The following GRM8 variants were observed in gnomAD, a reference collection of about 807,000 sequenced individuals.
GRM8 encodes glutamate metabotropic receptor 8.
Under a neutral mutation model 87.2 loss-of-function variants are expected in GRM8, and 47 were observed. That is an observed-to-expected ratio of 0.54 (90% confidence interval 0.43 to 0.69). The LOEUF is 0.69. Ranked by LOEUF, GRM8 falls within the 30% of genes least tolerant of loss-of-function variation. GRM8 has a pLI of 0.00. For missense variants in GRM8, 1,019 were observed against 1,139.2 expected, an observed-to-expected ratio of 0.89 and a Z score of 1.52; for synonymous variants, 396 against 404.5, an observed-to-expected ratio of 0.98 and a Z score of 0.25.
intron 3 of GRM8, among the ~76,000 whole-genome samples, chr7:127,050,733 C>G (rs1032038081): frequency 6.6e-6 from 1 of 152,082 alleles, no homozygotes; most frequent in Non-Finnish European, 1.5e-5. Flanking sequence ...TGCAGAGAGC[C>G]GATGACGTTC....
chr7:126,609,489 C>G lies in GRM8; in HGVS notation c.1367G>C (p.Gly456Ala). 1 of 1,610,600 alleles carries G rather than the reference C, an allele frequency of 6.2e-7. No homozygotes were observed. Among genetic ancestry groups the G allele is most frequent in the Non-Finnish European group, 8.5e-7 (1 of 1,177,252 alleles). The change falls in exon 8 of 11, where the codon GGC becomes GCC. Residue 456 changes from glycine to alanine, a missense_variant. By Grantham distance (60) the Gly-to-Ala change is moderately conservative. Transcript: ENST00000339582. ...IRAVNFNGSA[G>A]TPVTFNENGD... is the part of the protein sequence containing the mutation. ...GTTTTCATTAAAAGTGACAGGAGTG[C>G]CAGCACTGCCTATAAAGATTTAGAA...
chr7:126,617,036 A>G (rs1293275358), intron 7 of GRM8, among the ~76,000 whole-genome samples: 3 of 152,216 alleles, frequency 2.0e-5, no homozygotes, highest in Non-Finnish European at 4.4e-5. Context: ...TGAGGCCAGC[A>G]TTATCCTGAT....
At chr7:127,039,149 C>T (rs1368082322) in intron 3 of GRM8, among the ~76,000 whole-genome samples, 1 of 152,136 alleles carries the variant, frequency 6.6e-6, no homozygotes, top group Admixed American at 6.5e-5. Context: ...TTATGGGATG[C>T]ACTAAACATT....
intron 2 of GRM8, among the ~76,000 whole-genome samples, chr7:127,121,023 T>A (rs946878246): frequency 5.3e-5 from 8 of 152,122 alleles, no homozygotes; most frequent in African/African-American, 1.9e-4. Flanking sequence ...TTTTGAAAAA[T>A]AAAAATTTGG....
intron 3 of GRM8, among the ~76,000 whole-genome samples, chr7:126,987,499 C>T (rs1812210927): frequency 1.3e-5 from 2 of 151,588 alleles, no homozygotes; most frequent in Admixed American, 1.3e-4. Context: ...CTCGCTCTCT[C>T]GTCCAGGCTG....
chr7:126,530,761 A>G (rs1379596250), intron 9 of GRM8, among the ~76,000 whole-genome samples: 2 of 152,190 alleles, frequency 1.3e-5, no homozygotes, highest in Non-Finnish European at 2.9e-5. Context: ...TTTAATATTC[A>G]TGTCAATAAT....
intron 3 of GRM8, among the ~76,000 whole-genome samples, chr7:126,963,158 C>A (rs1161168334): frequency 6.6e-6 from 1 of 152,112 alleles, no homozygotes; most frequent in Non-Finnish European, 1.5e-5. Context: ...ACCATAATGA[C>A]AAAAATAAGG....
chr7:126,922,951 C>T (rs1804691892), intron 3 of GRM8, among the ~76,000 whole-genome samples: 1 of 152,176 alleles, frequency 6.6e-6, no homozygotes, highest in African/African-American at 2.4e-5. Context: ...TGCCACTATG[C>T]TTCCTGTTCA....
At chr7:126,721,094 T>A (rs1335440584) in intron 7 of GRM8, among the ~76,000 whole-genome samples, 6 of 152,228 alleles carry the variant, frequency 3.9e-5, no homozygotes, top group Non-Finnish European at 2.9e-5. Context: ...AGGATATACC[T>A]GTCTTTAAAA....
chr7:127,049,366 C>A (rs1200877760), intron 3 of GRM8, among the ~76,000 whole-genome samples: 1 of 152,080 alleles, frequency 6.6e-6, no homozygotes, highest in Non-Finnish European at 1.5e-5. Flanking sequence ...GAAAGTCATA[C>A]AAATTTGATC....
At chr7:126,484,122 G>T (rs979425702) in intron 9 of GRM8, among the ~76,000 whole-genome samples, 3 of 151,996 alleles carry the variant, frequency 2.0e-5, no homozygotes, top group Non-Finnish European at 2.9e-5. Flanking sequence ...ACTTGATGGA[G>T]AAAAATATTA....
chr7:126,633,784 C>T (rs1801588021), intron 7 of GRM8, among the ~76,000 whole-genome samples: 1 of 145,858 alleles, frequency 6.9e-6, no homozygotes, highest in South Asian at 2.2e-4. Flanking sequence ...TTATATGTAC[C>T]ATATAAATAT....
intron 3 of GRM8, chr7:126,981,433 A>C (rs1811515662): frequency 6.6e-6 from 1 of 152,210 alleles, no homozygotes; most frequent in South Asian, 2.1e-4. Flanking sequence ...GTCCAAAGTT[A>C]AGAGACCATA....
chr7:127,020,134 A>G (rs1200593841), intron 3 of GRM8, among the ~76,000 whole-genome samples: 1 of 152,124 alleles, frequency 6.6e-6, no homozygotes, highest in East Asian at 1.9e-4. Flanking sequence ...CTATTATCAG[A>G]ATAGCATGCA....
rs553865109 is a variant in GRM8 at position 126,598,691 on chromosome 7, G to A, written c.1494+10671C>T. Among the ~76,000 whole-genome samples, 17 of 152,054 alleles carry A rather than the reference G, an allele frequency of 1.1e-4. No individual in the cohort carries two copies. The East Asian group carries it at 1.9e-3, about 17-fold the overall frequency. On this transcript the variant is annotated intron_variant, in intron 8 of 10. Coordinates refer to ENST00000339582, the MANE Select transcript of GRM8 (RefSeq NM_000845.3). ...AATAGAAAAAAAAAATCTTAATTACGGCTTTGACTTAGCTCACGGACTACC... is the reference window on the plus strand; with the variant it reads ...AATAGAAAAAAAAAATCTTAATTACAGCTTTGACTTAGCTCACGGACTACC...
At chr7:127,212,101 G>A (rs1471035476) in intron 2 of GRM8, among the ~76,000 whole-genome samples, 1 of 152,144 alleles carries the variant, frequency 6.6e-6, no homozygotes, top group Non-Finnish European at 1.5e-5. Flanking sequence ...TGGACCGGCA[G>A]AGCCAGCATA....
chr7:126,729,211 C>T (rs1490857280), intron 7 of GRM8, among the ~76,000 whole-genome samples: 1 of 152,194 alleles, frequency 6.6e-6, no homozygotes, highest in African/African-American at 2.4e-5. Context: ...GCTGCCCCAC[C>T]CTCTCCTCAG....
intron 7 of GRM8, among the ~76,000 whole-genome samples, chr7:126,708,411 T>C (rs1278761946): frequency 2.0e-5 from 3 of 152,024 alleles, no homozygotes; most frequent in South Asian, 2.1e-4. Context: ...GTTTATTAAA[T>C]AGATATCTGC....
intron 2 of GRM8, among the ~76,000 whole-genome samples, chr7:127,241,506 T>G (rs1798297744): frequency 6.6e-6 from 1 of 151,322 alleles, no homozygotes; most frequent in Non-Finnish European, 1.5e-5. Flanking sequence ...TGATCTCGGC[T>G]CATCGCAACC....
Sources: allele counts gnomAD v4.1 joint callset (sites outside exome capture counted in the v4.1 genomes callset), GRCh38; gene constraint gnomAD v4.1.1; transcripts MANE v1.5; gene names NCBI Gene and HGNC (gene_info 2026-07-23, HGNC 2026-07-21).